Variants in MEI1 observed in about 807,000 individuals in gnomAD.
MEI1 encodes meiosis inhibitor protein 1.
In MEI1, 103 loss-of-function variants were observed where a neutral mutation model predicts 146.2. That is an observed-to-expected ratio of 0.70 (90% CI 0.60 to 0.83). MEI1 has a LOEUF of 0.83. Among genes scored for constraint, MEI1 ranks in the 40% least tolerant of loss-of-function variants. The pLI is 0.00. For missense variants in MEI1, 1,529 were observed against 1,533.0 expected (o/e 1.00, Z 0.04); for synonymous variants, 652 against 628.2 (o/e 1.04, Z -0.57).
intron 7 of MEI1, among the ~76,000 whole-genome samples, chr22:41,727,175 A>G (rs1411138637): frequency 6.6e-6 from 1 of 151,974 alleles, no homozygotes; most frequent in Non-Finnish European, 1.5e-5. Flanking sequence ...TGCAGTCCTC[A>G]GATGTATCTT....
At chr22:41,730,678 A>T in intron 9 of MEI1, 41 bp downstream of exon 9, 1 of 1,425,894 alleles carries the variant, frequency 7.0e-7, no homozygotes, top group Non-Finnish European at 9.9e-7. Context: ...GGTTGGGTGG[A>T]CGGCAGTTTG....
chr22:41,762,575 A>C (rs2074568793), intron 18 of MEI1, among the ~76,000 whole-genome samples: 1 of 147,666 alleles, frequency 6.8e-6, no homozygotes. Flanking sequence ...TTTGTAGAGA[A>C]GAGGTCTGAC....
chr22:41,719,894 A>G (rs1192886378), intron 6 of MEI1, among the ~76,000 whole-genome samples: 1 of 152,178 alleles, frequency 6.6e-6, no homozygotes, highest in Non-Finnish European at 1.5e-5. Context: ...CTGTAGAGAA[A>G]AGCATAGTCT....
At position 41,794,550 on chromosome 22, in the gene MEI1, C is replaced by T. The variant is rs1208288067; in HGVS notation, c.3534+73C>T. The T allele has an allele frequency of 8.7e-6, 11 of 1,264,712 alleles. 1 individual carries two copies. In the East Asian group the frequency reaches 2.6e-4, roughly 29 times the overall value. The allele number at this position is 1,264,712 out of a possible 1,614,324, so 78.3% of individuals were successfully genotyped here. On this transcript the variant is annotated intron_variant, in intron 28 of 30. Coordinates refer to ENST00000401548, the MANE Select transcript of MEI1 (RefSeq NM_152513.4). The stretch of plus-strand genomic sequence containing the variant: ...GGTGGTGCTGAAGAGGCCAGGGTCT[C>T]CTTACTTTAGGTAACCCTAATCCTT...
At chr22:41,770,009 C>G (rs534488253) in intron 19 of MEI1, among the ~76,000 whole-genome samples, 3 of 151,820 alleles carry the variant, frequency 2.0e-5, no homozygotes, top group Non-Finnish European at 4.4e-5. Flanking sequence ...TGGCACATGC[C>G]TGTAATCCCA....
chr22:41,732,209 C>G (rs2071926043), intron 9 of MEI1, 36 bp from the exon 10 acceptor site: 2 of 1,529,522 alleles, frequency 1.3e-6, no homozygotes, highest in Non-Finnish European at 1.8e-6. Flanking sequence ...CAAGAGAGCA[C>G]TGATCCCTGG....
chr22:41,706,776 A>G (rs1380478457), intron 3 of MEI1, among the ~76,000 whole-genome samples: 1 of 152,094 alleles, frequency 6.6e-6, no homozygotes, highest in Non-Finnish European at 1.5e-5. Context: ...GTTTGTAGAG[A>G]AAGAAGGTAA....
chr22:41,711,641 G>C (rs1408823651), intron 3 of MEI1, among the ~76,000 whole-genome samples: 2 of 152,168 alleles, frequency 1.3e-5, no homozygotes, highest in Non-Finnish European at 2.9e-5. Context: ...CCTGCTTCTT[G>C]TTTCTGTGCG....
rs545198069 is a variant in MEI1, at chr22:41,711,138, A to G, written c.350-2864A>G. ...ACTTTATGCTCCCTCTGAAAGGTCC[A>G]TCTTCTTCTCCAGGCCTCATTGTCA... On this transcript the variant is annotated intron_variant, in intron 3 of 30. Transcript: ENST00000401548. Among the ~76,000 whole-genome samples the G allele has an allele frequency of 2.0e-5, 3 of 152,044 alleles. No homozygotes were observed. In the East Asian group the frequency reaches 5.8e-4, roughly 29 times the overall value.
chr22:41,746,149 C>A, intron 14 of MEI1, 123 bp downstream of exon 14: 1 of 793,160 alleles, frequency 1.3e-6, no homozygotes, highest in Non-Finnish European at 1.8e-6. Flanking sequence ...CTCAGCAGTG[C>A]AATTCTTGCT....
At chr22:41,714,198 G>A in intron 4 of MEI1, 123 bp downstream of exon 4, 1 of 880,860 alleles carries the variant, frequency 1.1e-6, no homozygotes, top group Non-Finnish European at 1.8e-6. Context: ...TGAGGTCACT[G>A]AGTTGGTGGC....
intron 27 of MEI1, 104 bp downstream of exon 27, chr22:41,794,014 A>G: frequency 9.0e-7 from 1 of 1,110,586 alleles, no homozygotes. Context: ...TGTGACTCAT[A>G]CTTGTTTTGT....
chr22:41,755,381 G>A (rs2074026705), intron 17 of MEI1, among the ~76,000 whole-genome samples: 1 of 152,124 alleles, frequency 6.6e-6, no homozygotes, highest in Non-Finnish European at 1.5e-5. Flanking sequence ...AGGGAGCAAA[G>A]CCCAGGTGAG....
At chr22:41,725,198 G>GC (rs1231074443) in intron 7 of MEI1, among the ~76,000 whole-genome samples, 2 of 151,188 alleles carry the variant, frequency 1.3e-5, no homozygotes, top group South Asian at 2.1e-4. Context: ...TACAACCTCC[G>GC]CCCCCCAGGC....
At chr22:41,729,817 G>GTAT in intron 8 of MEI1, 38 bp downstream of exon 8, 6 of 1,353,028 alleles carry the variant, frequency 4.4e-6, no homozygotes, top group Non-Finnish European at 6.1e-6. Flanking sequence ...CCCTATACTA[G>GTAT]AAGGATGGGG....
At chr22:41,752,933 C>T (rs895523475) in intron 16 of MEI1, among the ~76,000 whole-genome samples, 8 of 152,100 alleles carry the variant, frequency 5.3e-5, no homozygotes, top group African/African-American at 1.9e-4. Flanking sequence ...GTAATCCCAG[C>T]ACTTTGGGAG....
chr22:41,784,884 G>GGGTT, intron 26 of MEI1, 101 bp downstream of exon 26: 1 of 633,504 alleles, frequency 1.6e-6, no homozygotes, highest in Admixed American at 5.5e-5. Flanking sequence ...CTTGGAGGGT[G>GGGTT]GATTAAGACT....
At chr22:41,763,943 C>CTTTT (rs71184839) in intron 19 of MEI1, among the ~76,000 whole-genome samples, 4 of 91,550 alleles carry the variant, frequency 4.4e-5, no homozygotes, top group Admixed American at 2.4e-4. Context: ...GGGAAGTTTC[C>CTTTT]TTTTTTTTTT....
At chr22:41,753,743 T>G in intron 16 of MEI1, 1 of 470,136 alleles carries the variant, frequency 2.1e-6, no homozygotes, top group East Asian at 3.9e-5. Context: ...CCTCCCAAAG[T>G]GCTAGAATTA....
Sources: gnomAD v4.1 joint callset for allele counts (sites outside exome capture counted in the v4.1 genomes callset) on GRCh38, gnomAD v4.1.1 for gene constraint, MANE v1.5 for transcripts, NCBI Gene and HGNC (gene_info 2026-07-23, HGNC 2026-07-21) for gene names.